GNAI3: variants seen among roughly 807,000 people sequenced by gnomAD.
GNAI3 encodes G protein subunit alpha i3, also known as guanine nucleotide-binding protein G(i) subunit alpha-3.
In GNAI3, 12 loss-of-function variants were observed where a neutral mutation model predicts 41.8. The ratio of observed to expected loss-of-function variants is 0.29; its 90% confidence interval spans 0.18 to 0.47. The LOEUF is 0.47. Among genes scored for constraint, GNAI3 ranks in the 20% least tolerant of loss-of-function variants. GNAI3 has a pLI of 1.00. For synonymous variants in GNAI3, 132 were observed against 146.5 expected (o/e 0.90, Z 0.71); for missense variants, 360 against 429.6 (o/e 0.84, Z 1.43).
rs117831094 is a variant in GNAI3 at position 109,563,132 on chromosome 1, T to A, written c.119-10605T>A. 7.9e-4 allele frequency among the ~76,000 whole-genome samples: 120 copies of A among 152,318 alleles called. 3 individuals carry two copies. The East Asian group carries it at 0.022, about 28-fold the overall frequency. On this transcript the variant is annotated intron_variant, in intron 1 of 8. Transcript: ENST00000369851. ...GAACACTGAGACTGGGCACAGTGGC[T>A]CATGCCTGTAATCTCAGCACCTTGG...
At chr1:109,550,485 T>G (rs1310133416) in intron 1 of GNAI3, among the ~76,000 whole-genome samples, 1 of 152,156 alleles carries the variant, frequency 6.6e-6, no homozygotes, top group Non-Finnish European at 1.5e-5. Flanking sequence ...TGAACACTGG[T>G]CCTTGGGGCC....
intron 1 of GNAI3, among the ~76,000 whole-genome samples, chr1:109,566,648 A>G (rs1297419445): frequency 2.0e-5 from 3 of 152,092 alleles, no homozygotes; most frequent in Middle Eastern, 3.4e-3. Flanking sequence ...TGCAACCTCC[A>G]CCTCCTGGAT....
rs1456833751 is a variant in GNAI3 at position 109,592,130 on chromosome 1, C to G, written c.962C>G (p.Thr321Ser). ...NRRKDTKEIY[T>S]HFTCATDTKN... The stretch of plus-strand genomic sequence containing the variant: ...AGAAAAGATACCAAGGAGATCTATA[C>G]TCACTTCACCTGTGCCACAGACACG... Residue 321 changes from threonine (T) to serine (S), a missense_variant, in exon 8 of 9, where the codon ACT becomes AGT. Coordinates refer to ENST00000369851, the MANE Select transcript of GNAI3 (RefSeq NM_006496.4). 6.2e-7 allele frequency: 1 copy of G among 1,610,666 alleles called. No homozygotes were observed. Among genetic ancestry groups the G allele is most frequent in the Non-Finnish European group, 8.5e-7 (1 of 1,176,924 alleles).
chr1:109,585,409 A>G (rs1484373375), intron 5 of GNAI3, among the ~76,000 whole-genome samples: 4 of 152,238 alleles, frequency 2.6e-5, no homozygotes, highest in Non-Finnish European at 5.9e-5. Flanking sequence ...TTGAGACTTT[A>G]TTAATTAGGT....
chr1:109,554,522 G>A (rs1378905757), intron 1 of GNAI3, among the ~76,000 whole-genome samples: 5 of 152,106 alleles, frequency 3.3e-5, no homozygotes, highest in African/African-American at 1.2e-4. Context: ...TATATCTTGT[G>A]AGAATTGTCT....
chr1:109,559,694 C>A (rs1425823836), intron 1 of GNAI3, among the ~76,000 whole-genome samples: 1 of 152,148 alleles, frequency 6.6e-6, no homozygotes, highest in Non-Finnish European at 1.5e-5. Flanking sequence ...ACAAAGAAAT[C>A]ACTCAGTATT....
At chr1:109,571,850 A>G (rs1571154692) in intron 1 of GNAI3, among the ~76,000 whole-genome samples, 1 of 150,596 alleles carries the variant, frequency 6.6e-6, no homozygotes, top group East Asian at 2.0e-4. Context: ...CCTGGGAGGC[A>G]GATGTTGCAG....
chr1:109,553,417 A>T (rs1462559172), intron 1 of GNAI3, among the ~76,000 whole-genome samples: 5 of 152,228 alleles, frequency 3.3e-5, no homozygotes, highest in Non-Finnish European at 4.4e-5. Context: ...AGAGAACTGG[A>T]ATCATCTAAT....
chr1:109,573,635 A>G (rs1043282300), intron 1 of GNAI3, 102 bp from the exon 2 acceptor site: 19 of 934,940 alleles, frequency 2.0e-5, no homozygotes, highest in Admixed American at 1.9e-4. Context: ...AATTTTCCCT[A>G]GGACCCGTGG....
chr1:109,564,188 C>T (rs1648390630), intron 1 of GNAI3, among the ~76,000 whole-genome samples: 1 of 152,104 alleles, frequency 6.6e-6, no homozygotes, highest in South Asian at 2.1e-4. Context: ...AGAACTGATG[C>T]AGCTCTGAGA....
At chr1:109,571,702 G>A (rs1281619657) in intron 1 of GNAI3, among the ~76,000 whole-genome samples, 1 of 152,158 alleles carries the variant, frequency 6.6e-6, no homozygotes. Flanking sequence ...TGGATCGCTT[G>A]AGCCCAGGAG....
In GNAI3 at chr1:109,553,468, T is replaced by G. The variant is rs191701112; in HGVS notation, c.118+4630T>G. On this transcript the variant is annotated intron_variant, in intron 1 of 8. Transcript: ENST00000369851. ...ATTATACAGTTAATTATATTTAAAT[T>G]GCTGCATATTATTGGCTGAATATGC... 2.6e-3 allele frequency among the ~76,000 whole-genome samples: 391 copies of G among 152,342 alleles called. 6 individuals are homozygous for G. The highest frequency in any genetic ancestry group is 9.1e-3 in the African/African-American group (379 of 41,578).
intron 1 of GNAI3, among the ~76,000 whole-genome samples, chr1:109,571,935 GAGATT>G (rs1220730327): frequency 6.6e-6 from 1 of 151,854 alleles, no homozygotes; most frequent in Non-Finnish European, 1.5e-5. Context: ...TAAAGACCAT[GAGATT>G]AGATAACTTA....
At chr1:109,560,983 G>T (rs1648296083) in intron 1 of GNAI3, among the ~76,000 whole-genome samples, 1 of 152,122 alleles carries the variant, frequency 6.6e-6, no homozygotes, top group South Asian at 2.1e-4. Flanking sequence ...TAGAACTTGG[G>T]AATCATTAAC....
intron 4 of GNAI3, among the ~76,000 whole-genome samples, chr1:109,582,018 G>A (rs1648901612): frequency 6.6e-6 from 1 of 151,892 alleles, no homozygotes; most frequent in Non-Finnish European, 1.5e-5. Flanking sequence ...TTAAGAGACG[G>A]GGGTCTCACT....
intron 1 of GNAI3, among the ~76,000 whole-genome samples, chr1:109,556,236 G>T (rs936582387): frequency 6.6e-6 from 1 of 151,908 alleles, no homozygotes; most frequent in African/African-American, 2.4e-5. Context: ...TAGAGATGGG[G>T]TTTTGCCATA....
chr1:109,592,536 G>A lies in GNAI3; in HGVS notation c.*214G>A. On this transcript the variant is annotated 3_prime_UTR_variant, in exon 9 of 9. Transcript: ENST00000369851. ...ACATTGGAATTGGAAGAACTATAAA[G>A]TGTGATTCGATCGTCAAGACATCAC... is the stretch of plus-strand genomic sequence containing the variant. 4.7e-6 allele frequency: 1 copy of A among 212,948 alleles called. No individual in the cohort carries two copies. The highest frequency in any genetic ancestry group is 9.9e-5 in the East Asian group (1 of 10,062). 13.2% of individuals were successfully genotyped at this position (212,948 alleles called of 1,614,324 possible).
rs1285902344 is a variant in GNAI3 at position 109,593,975 on chromosome 1, C to G, written c.*1653C>G. 6.6e-6 allele frequency: 1 copy of G among 152,414 alleles called. No individual in the cohort carries two copies. The highest frequency in any genetic ancestry group is 1.5e-5 in the Non-Finnish European group (1 of 67,988). 9.4% of individuals were successfully genotyped at this position (152,414 alleles called of 1,614,324 possible). On this transcript the variant is annotated 3_prime_UTR_variant, in exon 9 of 9. Transcript: ENST00000369851. ...TTACAAAAAAAAGGTTGGTGGTCAACAAAAAAAGCAAGTCATAGCAGTTCA... is the reference window on the plus strand; with the variant it reads ...TTACAAAAAAAAGGTTGGTGGTCAAGAAAAAAAGCAAGTCATAGCAGTTCA...
intron 4 of GNAI3, among the ~76,000 whole-genome samples, 159 bp downstream of exon 4, chr1:109,579,520 G>A (rs887396911): frequency 2.6e-5 from 4 of 152,160 alleles, no homozygotes; most frequent in Admixed American, 2.6e-4. Context: ...TAGAGCCCTT[G>A]GTCATTTGTA....
Sources: gnomAD v4.1 joint callset for allele counts (sites outside exome capture counted in the v4.1 genomes callset) on GRCh38, gnomAD v4.1.1 for gene constraint, MANE v1.5 for transcripts, NCBI Gene and HGNC (gene_info 2026-07-23, HGNC 2026-07-21) for gene names.